The following ACYP2 variants were observed in gnomAD, a reference collection of about 807,000 sequenced individuals.
ACYP2 encodes acylphosphatase-2.
A neutral mutation model predicts 11.2 loss-of-function variants in ACYP2; 12 were observed. The observed-to-expected ratio is 1.08, with a 90% CI of 0.69 to 1.74. The LOEUF is 1.74. Among genes scored for constraint, ACYP2 ranks in the 40% most tolerant of loss-of-function variants. ACYP2 has a pLI of 0.00. For synonymous variants in ACYP2, 43 were observed against 32.2 expected (o/e 1.33, Z -1.13); for missense variants, 134 against 101.9 (o/e 1.31, Z -1.35).
At chr2:54,007,374 C>T (rs907295182) in intron 2 of ACYP2, among the ~76,000 whole-genome samples, 3 of 151,398 alleles carry the variant, frequency 2.0e-5, no homozygotes, top group Non-Finnish European at 2.9e-5. Context: ...CTGCCTCAGC[C>T]TCCCAAGTAG....
chr2:54,087,870 C>T (rs1226026341), intron 4 of ACYP2, among the ~76,000 whole-genome samples: 1 of 151,830 alleles, frequency 6.6e-6, no homozygotes, highest in African/African-American at 2.4e-5. Context: ...ATGAAATTTA[C>T]AAAGGAAATT....
chr2:54,003,059 G>C (rs1042232915), intron 2 of ACYP2, among the ~76,000 whole-genome samples: 1 of 149,776 alleles, frequency 6.7e-6, no homozygotes, highest in South Asian at 2.1e-4. Context: ...GTGAATACTT[G>C]TGCCTCAGCC....
chr2:54,051,598 G>A, intron 3 of ACYP2: 1 of 742,202 alleles, frequency 1.3e-6, no homozygotes, highest in Non-Finnish European at 2.5e-6. Context: ...TAGGAGAGAT[G>A]TGGAATGACA....
intron 6 of ACYP2, among the ~76,000 whole-genome samples, chr2:54,297,842 A>G (rs1365406595): frequency 6.6e-6 from 1 of 152,218 alleles, no homozygotes; most frequent in African/African-American, 2.4e-5. Flanking sequence ...TAAAGACTTG[A>G]GCAAAACTGG....
intron 6 of ACYP2, among the ~76,000 whole-genome samples, chr2:54,147,632 C>G (rs1260996573): frequency 6.6e-6 from 1 of 152,136 alleles, no homozygotes; most frequent in Admixed American, 6.5e-5. Context: ...TCAAGTGATC[C>G]TCTTACCTCA....
chr2:54,179,202 C>T (rs1394257068), intron 6 of ACYP2, among the ~76,000 whole-genome samples: 1 of 129,434 alleles, frequency 7.7e-6, no homozygotes, highest in East Asian at 2.4e-4. Context: ...CACTCAACCA[C>T]AATCAGTGCA....
intron 2 of ACYP2, among the ~76,000 whole-genome samples, chr2:54,044,195 C>G (rs1312717184): frequency 4.6e-5 from 7 of 152,190 alleles, no homozygotes; most frequent in African/African-American, 1.7e-4. Context: ...CAAACAGACT[C>G]CCTTTGTTCT....
chr2:54,268,316 T>G (rs1410131525), intron 6 of ACYP2, among the ~76,000 whole-genome samples: 1 of 152,232 alleles, frequency 6.6e-6, no homozygotes, highest in Non-Finnish European at 1.5e-5. Context: ...ATAAATGCAT[T>G]TTCCTTCTCG....
At chr2:54,222,704 T>A (rs1685851195) in intron 6 of ACYP2, among the ~76,000 whole-genome samples, 2 of 152,298 alleles carry the variant, frequency 1.3e-5, no homozygotes, top group South Asian at 4.2e-4. Context: ...TTGCTGTTTT[T>A]TAGCATGTGA....
intron 6 of ACYP2, among the ~76,000 whole-genome samples, chr2:54,166,704 A>T (rs1286366905): frequency 6.6e-6 from 1 of 152,098 alleles, no homozygotes; most frequent in Non-Finnish European, 1.5e-5. Flanking sequence ...CTTGCTACTC[A>T]CCTTGAAGAT....
intron 4 of ACYP2, among the ~76,000 whole-genome samples, chr2:54,061,738 A>C (rs552795708): frequency 6.6e-6 from 1 of 152,328 alleles, no homozygotes; most frequent in South Asian, 2.1e-4. Context: ...GATGTAATAC[A>C]ACACATTTAT....
At chr2:54,197,482 C>G (rs1453988489) in intron 6 of ACYP2, among the ~76,000 whole-genome samples, 3 of 152,166 alleles carry the variant, frequency 2.0e-5, no homozygotes, top group African/African-American at 7.2e-5. Context: ...GAGGAGAAAG[C>G]AATACATTAG....
At chr2:54,195,507 C>T (rs1464291734) in intron 6 of ACYP2, among the ~76,000 whole-genome samples, 2 of 151,956 alleles carry the variant, frequency 1.3e-5, no homozygotes, top group African/African-American at 2.4e-5. Flanking sequence ...GTTCATGGCT[C>T]GCATGGCAGT....
intron 6 of ACYP2, among the ~76,000 whole-genome samples, chr2:54,169,604 T>C (rs553032490): frequency 3.2e-4 from 49 of 152,306 alleles, no homozygotes; most frequent in African/African-American, 1.0e-3. Context: ...TAAGTCTAGC[T>C]ACTACCTACC....
chr2:54,153,449 G>A (rs1469803384), intron 6 of ACYP2, among the ~76,000 whole-genome samples: 1 of 140,726 alleles, frequency 7.1e-6, no homozygotes, highest in Non-Finnish European at 1.5e-5. Context: ...AAATTGCCTG[G>A]GCTACTTAGG....
intron 3 of ACYP2, among the ~76,000 whole-genome samples, chr2:54,055,166 A>G (rs935356404): frequency 7.9e-5 from 12 of 152,134 alleles, no homozygotes; most frequent in African/African-American, 2.9e-4. Context: ...CCTCCCAAGT[A>G]GCTGGGACTA....
intron 4 of ACYP2, among the ~76,000 whole-genome samples, chr2:54,087,969 GA>G (rs1678028603): frequency 6.6e-6 from 1 of 152,182 alleles, no homozygotes; most frequent in South Asian, 2.1e-4. Context: ...GAACTTTTTG[GA>G]GGAGGAGTTC....
At chr2:54,006,674 C>A (rs1202754393) in intron 2 of ACYP2, among the ~76,000 whole-genome samples, 2 of 152,144 alleles carry the variant, frequency 1.3e-5, no homozygotes, top group African/African-American at 4.8e-5. Flanking sequence ...TGCTTTGTCA[C>A]CCAGGCTAGA....
In ACYP2 at chr2:54,189,510, C is replaced by T. The variant is rs551129853; in HGVS notation, c.404+50762C>T. The stretch of plus-strand genomic sequence containing the variant: ...GGCAGGACCTCCTCTTTTTTAAAGG[C>T]CAAATTACATATTCTATAGTATTCT... On this transcript the variant is annotated intron_variant, in intron 6 of 6. Coordinates refer to ENST00000607452, the MANE Select transcript of ACYP2 (RefSeq NM_001320586.2). Among the ~76,000 whole-genome samples the T allele has an allele frequency of 5.3e-5, 8 of 152,080 alleles. No individual in the cohort carries two copies. In the South Asian group the frequency reaches 1.2e-3, roughly 24 times the overall value.
Sources: gnomAD v4.1 joint callset for allele counts (sites outside exome capture counted in the v4.1 genomes callset) on GRCh38, gnomAD v4.1.1 for gene constraint, MANE v1.5 for transcripts, NCBI Gene and HGNC (gene_info 2026-07-23, HGNC 2026-07-21) for gene names.